The following FABP12 variants were observed in gnomAD, a reference collection of about 807,000 sequenced individuals.
FABP12 encodes the protein fatty acid binding protein 12, also known as fatty acid-binding protein 12.
FABP12 carries 19 observed loss-of-function variants against 13.7 expected under a neutral mutation model. That is an observed-to-expected ratio of 1.39 (90% confidence interval 0.97 to 2.04). The LOEUF is 2.04. Among genes scored for constraint, FABP12 ranks in the 30% most tolerant of loss-of-function variants. FABP12 has a pLI of 0.00. For missense variants in FABP12, 182 were observed against 164.2 expected (o/e 1.11, Z -0.59); for synonymous variants, 61 against 57.0 (o/e 1.07, Z -0.32).
At chr8:81,528,745 T>C (rs1412524146) in intron 3 of FABP12, among the ~76,000 whole-genome samples, 1 of 152,178 alleles carries the variant, frequency 6.6e-6, no homozygotes, top group Non-Finnish European at 1.5e-5. Context: ...ATAAATAATA[T>C]ATTCCTGAGA....
upstream of FABP12, among the ~76,000 whole-genome samples, chr8:81,537,348 T>A (rs368732213): frequency 2.6e-5 from 4 of 152,320 alleles, no homozygotes; most frequent in Non-Finnish European, 1.5e-5. Flanking sequence ...GAATGGTTAA[T>A]GAGCCTGTTA....
At chr8:81,558,317 G>C (rs1411086166) in intron 1 of FABP12, among the ~76,000 whole-genome samples, 1 of 152,172 alleles carries the variant, frequency 6.6e-6, no homozygotes, top group Non-Finnish European at 1.5e-5. Context: ...ATTGCAATTA[G>C]AGTAAGAATT....
At chr8:81,579,103 C>T (rs563261131) in intron 1 of FABP12, among the ~76,000 whole-genome samples, 5 of 152,160 alleles carry the variant, frequency 3.3e-5, no homozygotes, top group Non-Finnish European at 7.3e-5. Context: ...GCTGGAATTA[C>T]AGGCGTGAGC....
exon 3 of FABP12, chr8:81,529,441 T>C: frequency 6.2e-7 from 1 of 1,613,854 alleles, no homozygotes; most frequent in Non-Finnish European, 8.5e-7. Context: ...GCCTCACCTT[T>C]GTTTTGTGGC....
intron 1 of FABP12, among the ~76,000 whole-genome samples, chr8:81,579,034 T>G (rs997123880): frequency 1.3e-5 from 2 of 150,994 alleles, no homozygotes; most frequent in Non-Finnish European, 2.9e-5. Flanking sequence ...TTCACTGTGT[T>G]AGCCAGGATA....
At chr8:81,539,673 C>T (rs75537923) in exon 2 of FABP12, among the ~76,000 whole-genome samples, 4,211 of 152,242 alleles carry the variant, frequency 0.028, 153 homozygotes, top group African/African-American at 0.087. Flanking sequence ...GGGTTGAGTG[C>T]TGGCTTGCTG....
intron 1 of FABP12, among the ~76,000 whole-genome samples, chr8:81,576,170 G>A (rs1810041225): frequency 6.6e-6 from 1 of 152,012 alleles, no homozygotes; most frequent in Non-Finnish European, 1.5e-5. Flanking sequence ...CTTTACTTAT[G>A]ATTTGAATGA....
At chr8:81,570,744 T>C (rs888204459) in intron 1 of FABP12, among the ~76,000 whole-genome samples, 3 of 152,170 alleles carry the variant, frequency 2.0e-5, no homozygotes, top group Non-Finnish European at 2.9e-5. Flanking sequence ...CTGTCATCTC[T>C]CAGTCCTCTG....
chr8:81,553,199 C>T (rs1436405904), intron 1 of FABP12, among the ~76,000 whole-genome samples: 1 of 152,086 alleles, frequency 6.6e-6, no homozygotes, highest in East Asian at 1.9e-4. Flanking sequence ...TATTTTGCAC[C>T]TTCTTCATAA....
chr8:81,540,365 T>C (rs1477322501), intron 1 of FABP12, among the ~76,000 whole-genome samples: 1 of 152,176 alleles, frequency 6.6e-6, no homozygotes, highest in East Asian at 1.9e-4. Context: ...CTGGTAAATA[T>C]CACATTAACC....
chr8:81,579,108 G>A (rs1218911491), intron 1 of FABP12, among the ~76,000 whole-genome samples: 6 of 152,078 alleles, frequency 3.9e-5, no homozygotes, highest in African/African-American at 7.2e-5. Context: ...AATTACAGGC[G>A]TGAGCCACCG....
At chr8:81,551,259 A>G (rs1384355472) in intron 1 of FABP12, among the ~76,000 whole-genome samples, 2 of 152,142 alleles carry the variant, frequency 1.3e-5, no homozygotes, top group Non-Finnish European at 2.9e-5. Context: ...AAGTGATTCT[A>G]ATGTGAAGCT....
At chr8:81,527,098 C>G in exon 4 of FABP12, 1 of 1,608,292 alleles carries the variant, frequency 6.2e-7, no homozygotes, top group East Asian at 2.2e-5. Context: ...GAATCAGGGA[C>G]TCCTTATCTA....
intron 1 of FABP12, among the ~76,000 whole-genome samples, chr8:81,544,627 A>G (rs1389758202): frequency 6.6e-6 from 1 of 152,080 alleles, no homozygotes; most frequent in Non-Finnish European, 1.5e-5. Flanking sequence ...GAGTCAGGCA[A>G]TGAGAAGTTC....
At chr8:81,541,910 T>TAAAAAAAAA (rs1167487132) in intron 1 of FABP12, among the ~76,000 whole-genome samples, 1 of 71,156 alleles carries the variant, frequency 1.4e-5, no homozygotes, top group East Asian at 4.2e-4. Flanking sequence ...TCCCAGGGTT[T>TAAAAAAAAA]AAAAAAAAAA....
intron 3 of FABP12, among the ~76,000 whole-genome samples, chr8:81,528,239 T>C (rs1233287292): frequency 6.6e-6 from 1 of 151,984 alleles, no homozygotes. Flanking sequence ...ACCACCACAG[T>C]GGCTAATCTT....
intron 1 of FABP12, among the ~76,000 whole-genome samples, chr8:81,574,682 T>C (rs1343278512): frequency 6.6e-6 from 1 of 152,122 alleles, no homozygotes; most frequent in African/African-American, 2.4e-5. Flanking sequence ...GCTAGGAGCA[T>C]TGTATTTTTC....
chr8:81,572,613 A>G (rs1008043072), intron 1 of FABP12, among the ~76,000 whole-genome samples: 13 of 152,036 alleles, frequency 8.6e-5, no homozygotes, highest in Non-Finnish European at 7.4e-5. Context: ...CCATACCAAC[A>G]TCTACTGTTT....
chr8:81,579,106 GCGTGAGCCAC>G (rs1810111128), intron 1 of FABP12, among the ~76,000 whole-genome samples: 1 of 152,082 alleles, frequency 6.6e-6, no homozygotes, highest in Admixed American at 6.5e-5. Context: ...GGAATTACAG[GCGTGAGCCAC>G]CGCGCCCAGC....
Sources: gnomAD v4.1 joint callset for allele counts (sites outside exome capture counted in the v4.1 genomes callset) on GRCh38, gnomAD v4.1.1 for gene constraint, MANE v1.5 for transcripts, NCBI Gene and HGNC (gene_info 2026-07-23, HGNC 2026-07-21) for gene names.